NUP155: variants seen among roughly 807,000 people sequenced by gnomAD.
NUP155 encodes the protein nuclear pore complex protein Nup155.
A neutral mutation model predicts 180.4 loss-of-function variants in NUP155; 71 were observed. The ratio of observed to expected loss-of-function variants is 0.39; its 90% CI spans 0.33 to 0.48. The LOEUF (loss-of-function observed/expected upper bound fraction) is 0.48. Ranked by LOEUF, NUP155 falls within the 20% of genes least tolerant of loss-of-function variation. The pLI is 0.91. For synonymous variants in NUP155, 582 were observed against 559.5 expected (o/e 1.04, Z -0.57); for missense variants, 1,553 against 1,648.9 (o/e 0.94, Z 1.01).
chr5:37,341,287 C>T (rs1561798576), intron 10 of NUP155, 45 bp from the exon 11 acceptor site: 1 of 1,543,318 alleles, frequency 6.5e-7, no homozygotes, highest in Non-Finnish European at 9.0e-7. Context: ...AAAACAAGGA[C>T]CTGAGGTAAA....
intron 18 of NUP155, 99 bp from the exon 19 acceptor site, chr5:37,326,066 A>C: frequency 1.1e-6 from 1 of 878,642 alleles, no homozygotes; most frequent in Non-Finnish European, 1.9e-6. Flanking sequence ...TTCAGTTTTT[A>C]AAACTTGCAG....
intron 7 of NUP155, 58 bp downstream of exon 7, chr5:37,350,102 G>T (rs1456781806): frequency 1.8e-6 from 2 of 1,130,786 alleles, no homozygotes; most frequent in Non-Finnish European, 2.7e-6. Context: ...AGAAAACGTT[G>T]AGGGAACAAT....
intron 8 of NUP155, 22 bp downstream of exon 8, chr5:37,349,150 G>T (rs1318732168): frequency 7.3e-6 from 4 of 551,496 alleles, no homozygotes; most frequent in Admixed American, 3.8e-5. Flanking sequence ...ACTCTTAATG[G>T]TATAATAATA....
intron 9 of NUP155, among the ~76,000 whole-genome samples, chr5:37,347,505 G>C (rs1029207173): frequency 1.3e-5 from 2 of 151,628 alleles, no homozygotes; most frequent in African/African-American, 4.8e-5. Context: ...AGACCAGCCT[G>C]ACCAACATGG....
chr5:37,302,709 A>G, intron 29 of NUP155, 70 bp downstream of exon 29: 1 of 1,507,984 alleles, frequency 6.6e-7, no homozygotes, highest in Non-Finnish European at 9.2e-7. Flanking sequence ...TACCAAGGGA[A>G]GAATGGAATG....
intron 1 of NUP155, among the ~76,000 whole-genome samples, chr5:37,365,060 G>A (rs1236001258): frequency 6.6e-6 from 1 of 151,128 alleles, no homozygotes; most frequent in East Asian, 2.0e-4. Flanking sequence ...TCAGGAGTTT[G>A]AGACTAGCCT....
At chr5:37,325,768 C>CAAAAA (rs58741619) in intron 19 of NUP155, 133 bp downstream of exon 19, 85 of 361,038 alleles carry the variant, frequency 2.4e-4, no homozygotes, top group African/African-American at 8.2e-4. Context: ...GACTCTGTCT[C>CAAAAA]AAAAAAAAAA....
chr5:37,313,152 C>T (rs192498029), intron 22 of NUP155, among the ~76,000 whole-genome samples: 8 of 152,020 alleles, frequency 5.3e-5, no homozygotes, highest in East Asian at 3.9e-4. Flanking sequence ...GAGCAGTTGC[C>T]GGGCATGGTG....
intron 1 of NUP155, 34 bp downstream of exon 1, chr5:37,370,786 CT>C: frequency 1.2e-6 from 2 of 1,614,002 alleles, no homozygotes; most frequent in Non-Finnish European, 1.7e-6. Context: ...GGCGAGAGTC[CT>C]TTAGGTTGAG....
intron 1 of NUP155, among the ~76,000 whole-genome samples, chr5:37,369,257 A>G (rs1747805483): frequency 6.6e-6 from 1 of 152,236 alleles, no homozygotes; most frequent in Admixed American, 6.5e-5. Context: ...ACTCAAAAAA[A>G]AAGAACAAGA....
intron 33 of NUP155, chr5:37,293,312 T>G: frequency 3.7e-6 from 1 of 268,208 alleles, no homozygotes; most frequent in African/African-American, 2.3e-5. Flanking sequence ...CACTTTTACT[T>G]TGAACCTATG....
Position 37,325,987 on chromosome 5 carries a change from A to C in NUP155, c.2025-20T>G, listed in dbSNP as rs1383600450. ...ATGTTTCTGGAAAAAAAAAAGTTTT[A>C]ATGATTGTGCTGTAAATGAATAAAA... On this transcript the variant is annotated intron_variant, in intron 18 of 34. Transcript: ENST00000231498. 6.5e-7 allele frequency: 1 copy of C among 1,533,694 alleles called. No homozygotes were observed. Among genetic ancestry groups the C allele is most frequent in the Admixed American group, 1.7e-5 (1 of 59,878 alleles).
chr5:37,329,120 TAAAA>T (rs1360577615), intron 16 of NUP155, 66 bp downstream of exon 16: 1 of 1,105,160 alleles, frequency 9.0e-7, no homozygotes, highest in African/African-American at 1.5e-5. Context: ...GGCTTATTGA[TAAAA>T]ATTGCTATAA....
rs1055014374 is a variant in NUP155 at position 37,288,442 on chromosome 5, T to C, written c.*3458A>G. On this transcript the variant is annotated 3_prime_UTR_variant, in exon 35 of 35. Coordinates refer to ENST00000231498, the MANE Select transcript of NUP155 (RefSeq NM_153485.3). ...GTCAGTATCTCATAGCATAAACAGTTAGTCAAGATAGCTTTCTCTTTCCTA... is the reference window on the plus strand; with the variant it reads ...GTCAGTATCTCATAGCATAAACAGTCAGTCAAGATAGCTTTCTCTTTCCTA... 1 of 152,104 alleles carries C rather than the reference T, an allele frequency of 6.6e-6. No individual in the cohort carries two copies. Among genetic ancestry groups the C allele is most frequent in the Non-Finnish European group, 1.5e-5 (1 of 68,026 alleles). 9.4% of individuals were successfully genotyped at this position (152,104 alleles called of 1,614,324 possible). A position where few individuals can be genotyped will look rare whatever the true frequency, so the allele number is the denominator to read the frequency against.
chr5:37,360,747 C>T (rs1305863761), intron 3 of NUP155, among the ~76,000 whole-genome samples: 1 of 148,834 alleles, frequency 6.7e-6, no homozygotes, highest in Non-Finnish European at 1.5e-5. Context: ...GATCATGCCA[C>T]TGCACTCCAG....
At chr5:37,297,495 T>C (rs1023696617) in intron 32 of NUP155, among the ~76,000 whole-genome samples, 1 of 152,072 alleles carries the variant, frequency 6.6e-6, no homozygotes, top group Non-Finnish European at 1.5e-5. Context: ...CCTCCCACCA[T>C]AGCCTCCCGA....
Position 37,317,842 on chromosome 5 carries a change from C to T in NUP155, c.2305+146G>A. On this transcript the variant is annotated intron_variant, in intron 21 of 34. Coordinates refer to ENST00000231498, the MANE Select transcript of NUP155 (RefSeq NM_153485.3). ...TGCTGGTATTACAGGTGTGAGCCAC[C>T]ACCCCGGACCCAATTACACTGATAT... 5 of 655,488 alleles carry T rather than the reference C, an allele frequency of 7.6e-6. No homozygotes were observed. In the South Asian group the frequency reaches 8.2e-5, roughly 11 times the overall value. The allele number at this position is 655,488 out of a possible 1,614,324, so 40.6% of individuals were successfully genotyped here.
At chr5:37,357,993 G>GA in intron 4 of NUP155, 88 bp downstream of exon 4, 4 of 953,818 alleles carry the variant, frequency 4.2e-6, no homozygotes, top group Non-Finnish European at 6.8e-6. Flanking sequence ...ACTCCATCTC[G>GA]AAAAAAATGT....
chr5:37,325,026 C>T (rs1338248655), intron 19 of NUP155, among the ~76,000 whole-genome samples: 1 of 152,124 alleles, frequency 6.6e-6, no homozygotes, highest in Non-Finnish European at 1.5e-5. Flanking sequence ...TGGCGCGCAC[C>T]TGTAATCCCA....
Sources: gnomAD v4.1 joint callset for allele counts (sites outside exome capture counted in the v4.1 genomes callset) on GRCh38, gnomAD v4.1.1 for gene constraint, MANE v1.5 for transcripts, NCBI Gene and HGNC (gene_info 2026-07-23, HGNC 2026-07-21) for gene names.